Variants in PSAP observed in about 807,000 individuals in gnomAD.
PSAP encodes the protein precursor of saposins.
PSAP carries 25 observed loss-of-function variants against 66.0 expected under a neutral mutation model. The ratio of observed to expected loss-of-function variants is 0.38; its 90% CI spans 0.28 to 0.53. The LOEUF (loss-of-function observed/expected upper bound fraction) is 0.53. Ranked by LOEUF, PSAP falls within the 20% of genes least tolerant of loss-of-function variation. The probability of loss-of-function intolerance (pLI) is 0.83; values close to 1 mark genes in which losing one functional copy is unlikely to be tolerated. For synonymous variants in PSAP, 273 were observed against 258.9 expected (o/e 1.05, Z -0.52); for missense variants, 649 against 668.8 (o/e 0.97, Z 0.33).
intron 7 of PSAP, chr10:71,825,574 C>T (rs946423731): frequency 7.4e-6 from 4 of 542,530 alleles, no homozygotes; most frequent in Non-Finnish European, 1.4e-5. Flanking sequence ...TGATGGCTGG[C>T]CTGAACGGGC....
At chr10:71,830,674 TA>T (rs1185042147) in intron 4 of PSAP, among the ~76,000 whole-genome samples, 1 of 152,206 alleles carries the variant, frequency 6.6e-6, no homozygotes, top group South Asian at 2.1e-4. Flanking sequence ...TGTTCTTTGC[TA>T]AAAACCCAGT....
chr10:71,845,575 G>A (rs1270664671), intron 1 of PSAP, among the ~76,000 whole-genome samples: 1 of 152,152 alleles, frequency 6.6e-6, no homozygotes, highest in Non-Finnish European at 1.5e-5. Context: ...GAGGGCCTGG[G>A]GACAGCAGTG....
At chr10:71,825,542 G>C (rs1842385305) in intron 7 of PSAP, among the ~76,000 whole-genome samples, 1 of 152,202 alleles carries the variant, frequency 6.6e-6, no homozygotes, top group African/African-American at 2.4e-5. Flanking sequence ...AGATCCCAGG[G>C]TTAAAGCCAG....
chr10:71,824,598 T>C (rs150208103), intron 7 of PSAP, among the ~76,000 whole-genome samples: 3 of 152,260 alleles, frequency 2.0e-5, no homozygotes, highest in Non-Finnish European at 4.4e-5. Flanking sequence ...GTAAATTCTC[T>C]TCTATGTACA....
chr10:71,823,952 C>A, intron 7 of PSAP: 3 of 1,248,336 alleles, frequency 2.4e-6, no homozygotes, highest in Non-Finnish European at 1.1e-6. Context: ...GGAAAGGACA[C>A]AACAGTTAAG....
chr10:71,838,913 G>A (rs1185671980), intron 1 of PSAP, among the ~76,000 whole-genome samples: 1 of 152,170 alleles, frequency 6.6e-6, no homozygotes, highest in East Asian at 1.9e-4. Flanking sequence ...GGAGCTCCAA[G>A]TCTTCACTCT....
rs747443151 is a variant in PSAP, at chr10:71,831,722, G to A, written c.249+124C>T. The A allele has an allele frequency of 8.5e-6, 8 of 935,734 alleles. No individual in the cohort carries two copies. In the Middle Eastern group the frequency reaches 9.6e-4, roughly 112 times the overall value. 58.0% of individuals were successfully genotyped at this position (935,734 alleles called of 1,614,324 possible). A position where few individuals can be genotyped will look rare whatever the true frequency, so the allele number is the denominator to read the frequency against. On this transcript the variant is annotated intron_variant, in intron 3 of 13. Transcript: ENST00000394936. ...TAAAATCTTTTCTCCTTGATCCTTT[G>A]TGGAAGACATTTGCCACCCTCAGGC...
chr10:71,822,165 T>G, intron 7 of PSAP, 158 bp from the exon 8 acceptor site: 1 of 942,600 alleles, frequency 1.1e-6, no homozygotes, highest in Non-Finnish European at 1.7e-6. Flanking sequence ...CCAGTTTCCA[T>G]GTTAAAGGGC....
intron 2 of PSAP, among the ~76,000 whole-genome samples, chr10:71,832,715 C>T (rs1288872856): frequency 1.3e-5 from 2 of 152,014 alleles, no homozygotes; most frequent in Non-Finnish European, 2.9e-5. Context: ...AACAGAGGGT[C>T]AAGGGTACTG....
At chr10:71,836,212 G>C (rs1411201878) in intron 1 of PSAP, among the ~76,000 whole-genome samples, 1 of 152,208 alleles carries the variant, frequency 6.6e-6, no homozygotes, top group Non-Finnish European at 1.5e-5. Flanking sequence ...AGAGGCTGCT[G>C]GTTTGGACTC....
chr10:71,834,841 A>T (rs1264974540), intron 1 of PSAP, among the ~76,000 whole-genome samples: 3 of 152,254 alleles, frequency 2.0e-5, no homozygotes, highest in Admixed American at 2.0e-4. Flanking sequence ...TTCCATAAGT[A>T]ACAAAAGAAA....
intron 9 of PSAP, 121 bp from the exon 10 acceptor site, chr10:71,820,021 AAAACTACC>A: frequency 1.0e-6 from 1 of 998,122 alleles, no homozygotes; most frequent in African/African-American, 1.6e-5. Flanking sequence ...CCACCCACAA[AAAACTACC>A]AAACTACAAA....
At chr10:71,848,306 G>A (rs1564828603) in intron 1 of PSAP, among the ~76,000 whole-genome samples, 1 of 152,208 alleles carries the variant, frequency 6.6e-6, no homozygotes, top group African/African-American at 2.4e-5. Context: ...GTCCACGTAT[G>A]TAACTTACAC....
chr10:71,821,881 T>A lies in PSAP; in HGVS notation c.904A>T (p.Ile302Phe). Residue 302 changes from isoleucine to phenylalanine, a missense_variant, in exon 8 of 14, where the codon ATT becomes TTT. By Grantham distance (21) the Ile-to-Phe change is conservative (BLOSUM62 0). Transcript: ENST00000394936. ...CACAAAGTGACACCAGGTACCTTAATGGGCTCCACCAGTTCCAGGGCAGGG... is the reference window on the plus strand; with the variant it reads ...CACAAAGTGACACCAGGTACCTTAAAGGGCTCCACCAGTTCCAGGGCAGGG... ...VIPALELVEP[I>F]KKHEVPAKSD... is the part of the protein sequence containing the mutation. The A allele has an allele frequency of 6.2e-7, 1 of 1,614,208 alleles. No homozygotes were observed. The highest frequency in any genetic ancestry group is 8.5e-7 in the Non-Finnish European group (1 of 1,180,022).
chr10:71,840,020 C>A (rs1051643776), intron 1 of PSAP, among the ~76,000 whole-genome samples: 1 of 152,142 alleles, frequency 6.6e-6, no homozygotes, highest in African/African-American at 2.4e-5. Flanking sequence ...GCCCAGTACA[C>A]AACATAATCA....
chr10:71,840,339 G>A (rs76602465), intron 1 of PSAP, among the ~76,000 whole-genome samples: 6,670 of 152,246 alleles, frequency 0.044, 206 homozygotes, highest in Admixed American at 0.095. Flanking sequence ...ACCCCTGGAG[G>A]AGCGGCTTCT....
rs545743536 is a variant in PSAP at position 71,820,057 on chromosome 10, AC to A, written c.1006-158del. ...ACTACAAAGCAGGGCAATGGTGTCC[AC>A]CTCCCCGGACCCCCGCCAGCCTAGA... On this transcript the variant is annotated intron_variant, in intron 9 of 13. Coordinates refer to ENST00000394936, the MANE Select transcript of PSAP (RefSeq NM_002778.4). 2.6e-3 allele frequency among the ~76,000 whole-genome samples: 397 copies of A among 151,896 alleles called. 2 individuals carry two copies. The highest frequency in any genetic ancestry group is 9.1e-3 in the African/African-American group (378 of 41,420).
intron 8 of PSAP, among the ~76,000 whole-genome samples, chr10:71,821,271 C>G (rs1441511484): frequency 6.6e-6 from 1 of 152,246 alleles, no homozygotes; most frequent in Admixed American, 6.5e-5. Flanking sequence ...AGGCATCACA[C>G]AGCCCAGGCC....
chr10:71,830,728 G>C (rs1394361383), intron 4 of PSAP, among the ~76,000 whole-genome samples: 2 of 152,162 alleles, frequency 1.3e-5, no homozygotes, highest in African/African-American at 2.4e-5. Context: ...CATACTTGAT[G>C]AATGAAAGAC....
Sources: allele counts gnomAD v4.1 joint callset (sites outside exome capture counted in the v4.1 genomes callset), GRCh38; gene constraint gnomAD v4.1.1; transcripts MANE v1.5; gene names NCBI Gene and HGNC (gene_info 2026-07-23, HGNC 2026-07-21).